STMN3: variants seen among roughly 807,000 people sequenced by gnomAD.
STMN3 encodes the protein stathmin-3.
Under a neutral mutation model 23.2 loss-of-function variants are expected in STMN3, and 24 were observed. The observed-to-expected ratio is 1.03, with a 90% CI of 0.75 to 1.45. STMN3 has a LOEUF of 1.45. Among genes scored for constraint, STMN3 ranks in the 40% most tolerant of loss-of-function variants. The pLI is 0.00. For synonymous variants in STMN3, 117 were observed against 103.4 expected, an observed-to-expected ratio of 1.13 and a Z score of -0.80; for missense variants, 235 against 237.6, an observed-to-expected ratio of 0.99 and a Z score of 0.07.
intron 1 of STMN3, among the ~76,000 whole-genome samples, chr20:63,651,556 G>A (rs968043949): frequency 3.3e-5 from 5 of 152,198 alleles, no homozygotes; most frequent in East Asian, 1.9e-4. Context: ...GCCACCAGCC[G>A]ATTTGCCTTT....
rs1197147165 is a variant in STMN3 at position 63,643,807 on chromosome 20, G to A, written c.240C>T (p.Thr80=). The stretch of plus-strand genomic sequence containing the variant: ...GCCGCTTTTGCAGCTCCTCCAGGGA[G>A]GTGTCCTTCTTCTTGGGTGGGGAGG... ...MLSSPPKKKD[T]SLEELQKRLE... is the part of the protein sequence containing the mutation. Residue 80 remains threonine (T), a synonymous_variant, in exon 3 of 5, where the codon ACC becomes ACT. Transcript: ENST00000370053. 1 of 1,562,076 alleles carries A rather than the reference G, an allele frequency of 6.4e-7. No homozygotes were observed.
At chr20:63,644,086 C>T (rs926114173) in intron 2 of STMN3, 128 bp downstream of exon 2, 67 of 1,326,190 alleles carry the variant, frequency 5.1e-5, no homozygotes, top group Admixed American at 8.8e-5. Flanking sequence ...AGGATGGGCC[C>T]CTTCCCCCTA....
At chr20:63,651,626 G>A (rs985165580) in intron 1 of STMN3, among the ~76,000 whole-genome samples, 2 of 152,228 alleles carry the variant, frequency 1.3e-5, no homozygotes, top group African/African-American at 4.8e-5. Flanking sequence ...CGTGCGGTGA[G>A]CACTCATCTC....
chr20:63,647,952 A>ATG, intron 1 of STMN3, among the ~76,000 whole-genome samples: 1 of 47,294 alleles, frequency 2.1e-5, no homozygotes, highest in South Asian at 5.8e-4. Flanking sequence ...GTGTGTGTAT[A>ATG]TATATATGTA....
chr20:63,644,388 C>T lies in STMN3; in HGVS notation c.20-79G>A. 5 of 1,091,376 alleles carry T rather than the reference C, an allele frequency of 4.6e-6. No homozygotes were observed. In the South Asian group the frequency reaches 5.4e-5, roughly 12 times the overall value. The allele number at this position is 1,091,376 out of a possible 1,614,324, so 67.6% of individuals were successfully genotyped here. ...CCCCCGTTTTCCCTCCCCATGGCTG[C>T]CTCTATCATGTCTCTGTGAGACACG... On this transcript the variant is annotated intron_variant, in intron 1 of 4. Transcript: ENST00000370053.
intron 1 of STMN3, among the ~76,000 whole-genome samples, chr20:63,645,488 T>C (rs1169118430): frequency 6.6e-6 from 1 of 152,204 alleles, no homozygotes; most frequent in African/African-American, 2.4e-5. Context: ...CCAGTGTCCC[T>C]GCTGCCCAAC....
intron 3 of STMN3, 70 bp from the exon 4 acceptor site, chr20:63,642,369 T>C: frequency 8.4e-7 from 1 of 1,183,588 alleles, no homozygotes; most frequent in East Asian, 3.3e-5. Context: ...CTCCCTGCTC[T>C]CCGCCTCCCG....
intron 1 of STMN3, among the ~76,000 whole-genome samples, chr20:63,644,580 T>C (rs2089794830): frequency 2.0e-5 from 3 of 152,240 alleles, no homozygotes; most frequent in Admixed American, 2.0e-4. Flanking sequence ...CATTAATGTC[T>C]GTCTCATCTT....
rs1302568036 is a variant in STMN3, at chr20:63,641,209, G to A, written c.*129C>T. 9 of 821,326 alleles carry A rather than the reference G, an allele frequency of 1.1e-5. No individual in the cohort carries two copies. Among genetic ancestry groups the A allele is most frequent in the Non-Finnish European group, 1.6e-5 (8 of 495,748 alleles). The allele number at this position is 821,326 out of a possible 1,614,324, so 50.9% of individuals were successfully genotyped here. ...CAGGGCAGGGCGGCTGAGTGCGGAA[G>A]AGAAGCATGAAGCTGGGGGCGGGGG... is the stretch of plus-strand genomic sequence containing the variant. On this transcript the variant is annotated 3_prime_UTR_variant, in exon 5 of 5. Transcript: ENST00000370053.
chr20:63,643,767 C>T lies in STMN3; in HGVS notation c.280G>A (p.Glu94Lys). The change falls in exon 3 of 5, where the codon GAG becomes AAG. Residue 94 changes from glutamate (E) to lysine (K), a missense_variant. By Grantham distance (56) the Glu-to-Lys change is moderately conservative. Coordinates refer to ENST00000370053, the MANE Select transcript of STMN3 (RefSeq NM_015894.4). ...ELQKRLEAAE[E>K]RRKTQEAQVL... ...GGAGGACTCCTTGCCTTCCTCCGCT[C>T]CTCGGCTGCCTCCAGCCGCTTTTGC... 1 of 1,547,866 alleles carries T rather than the reference C, an allele frequency of 6.5e-7. No homozygotes were observed. Among genetic ancestry groups the T allele is most frequent in the South Asian group, 1.2e-5 (1 of 81,106 alleles).
At chr20:63,651,555 C>T (rs1020497160) in intron 1 of STMN3, among the ~76,000 whole-genome samples, 2 of 152,186 alleles carry the variant, frequency 1.3e-5, no homozygotes. Flanking sequence ...AGCCACCAGC[C>T]GATTTGCCTT....
chr20:63,653,095 C>T (rs1455216473), intron 1 of STMN3, among the ~76,000 whole-genome samples: 1 of 151,420 alleles, frequency 6.6e-6, no homozygotes, highest in Non-Finnish European at 1.5e-5. Flanking sequence ...GGCGCCCCCG[C>T]CCGACGTCCC....
chr20:63,646,634 T>C (rs966458211), intron 1 of STMN3, among the ~76,000 whole-genome samples: 3 of 151,958 alleles, frequency 2.0e-5, no homozygotes, highest in African/African-American at 7.3e-5. Flanking sequence ...ATTACAGGTG[T>C]GAGCCACTGT....
At position 63,640,562 on chromosome 20, in the gene STMN3, G is replaced by GGGAGGGGTGGCGGGGCTGTCCCAC. The variant is rs2089751226; in HGVS notation, c.*775_*776insGTGGGACAGCCCCGCCACCCCTCC. 2.5e-5 allele frequency: 1 copy of GGGAGGGGTGGCGGGGCTGTCCCAC among 39,810 alleles called. No individual in the cohort carries two copies. The highest frequency in any genetic ancestry group is 2.6e-4 in the African/African-American group (1 of 3,830). 2.5% of individuals were successfully genotyped at this position (39,810 alleles called of 1,614,324 possible). On this transcript the variant is annotated 3_prime_UTR_variant, in exon 5 of 5. Transcript: ENST00000370053. ...CAAGGACATCTGCAAAGCCCTGGTG[G>GGGAGGGGTGGCGGGGCTGTCCCAC]GGAGGGGCCTGGGCCAGAGGCTCTT...
At chr20:63,642,064 G>A (rs752967476) in intron 4 of STMN3, 44 bp downstream of exon 4, 3 of 303,622 alleles carry the variant, frequency 9.9e-6, no homozygotes, top group Non-Finnish European at 1.4e-5. Flanking sequence ...GCCCCGCCCC[G>A]GCCCCTGCCC....
intron 1 of STMN3, among the ~76,000 whole-genome samples, chr20:63,647,688 T>TATATATACAC (rs2089820888): frequency 8.5e-5 from 4 of 47,182 alleles, no homozygotes; most frequent in Admixed American, 2.5e-4. Context: ...TATATACACG[T>TATATATACAC]GTATATATAT....
intron 4 of STMN3, 147 bp from the exon 5 acceptor site, chr20:63,641,544 G>A (rs1047238886): frequency 3.4e-5 from 22 of 639,806 alleles, no homozygotes; most frequent in Middle Eastern, 4.2e-4. Context: ...AGTTGAGGGG[G>A]CGGGAGCACC....
intron 1 of STMN3, among the ~76,000 whole-genome samples, chr20:63,651,363 G>A (rs1406636550): frequency 6.6e-6 from 1 of 152,178 alleles, no homozygotes; most frequent in Admixed American, 6.5e-5. Flanking sequence ...GGGCCTGACT[G>A]CAGGCTCCTG....
Position 63,644,319 on chromosome 20 carries a change from C to G in STMN3, c.20-10G>C. On this transcript the variant is annotated splice_polypyrimidine_tract_variant and intron_variant, in intron 1 of 4. Transcript: ENST00000370053. The stretch of plus-strand genomic sequence containing the variant: ...ATCTTCTCCTTGTAGGCTGTGGGCA[C>G]AAGGCTGGGCTGAGCAAGCACCACT... The G allele has an allele frequency of 6.2e-7, 1 of 1,608,212 alleles. No individual in the cohort carries two copies. The highest frequency in any genetic ancestry group is 8.5e-7 in the Non-Finnish European group (1 of 1,177,078).
Sources: allele counts gnomAD v4.1 joint callset (sites outside exome capture counted in the v4.1 genomes callset), GRCh38; gene constraint gnomAD v4.1.1; transcripts MANE v1.5; gene names NCBI Gene and HGNC (gene_info 2026-07-23, HGNC 2026-07-21).